HSD17B7: variants seen among roughly 807,000 people sequenced by gnomAD.
The protein encoded by HSD17B7 is hydroxysteroid 17-beta dehydrogenase 7.
A neutral mutation model predicts 34.1 loss-of-function variants in HSD17B7; 17 were observed. The ratio of observed to expected loss-of-function variants is 0.50; its 90% CI spans 0.34 to 0.75. HSD17B7 has a LOEUF of 0.75. HSD17B7 is among the 30% of genes least tolerant of loss of function. The pLI is 0.01. For missense variants in HSD17B7, 296 were observed against 406.6 expected, an observed-to-expected ratio of 0.73 and a Z score of 2.34; for synonymous variants, 122 against 154.6, an observed-to-expected ratio of 0.79 and a Z score of 1.56.
intron 5 of HSD17B7, among the ~76,000 whole-genome samples, chr1:162,800,971 C>G (rs1326963427): frequency 1.3e-5 from 2 of 152,122 alleles, no homozygotes; most frequent in Non-Finnish European, 1.5e-5. Flanking sequence ...TGTTCTGGCT[C>G]TTAGAATGAT....
intron 6 of HSD17B7, among the ~76,000 whole-genome samples, chr1:162,803,944 TGCAGGACCATTGTTTCTGTG>T (rs1413041324): frequency 6.6e-6 from 1 of 152,254 alleles, no homozygotes; most frequent in Non-Finnish European, 1.5e-5. Context: ...TTGAACGTCT[TGCAGGACCATTGTTTCTGTG>T]GCACATCTTG....
At chr1:162,811,328 T>G (rs1649163529) in intron 8 of HSD17B7, among the ~76,000 whole-genome samples, 1 of 152,266 alleles carries the variant, frequency 6.6e-6, no homozygotes, top group South Asian at 2.1e-4. Flanking sequence ...GCTGTTAGTC[T>G]GATGGGCTTC....
At chr1:162,805,572 C>G (rs560324888) in intron 8 of HSD17B7, 80 bp downstream of exon 8, 1 of 1,556,798 alleles carries the variant, frequency 6.4e-7, no homozygotes, top group Non-Finnish European at 8.7e-7. Flanking sequence ...AGCCCCTCAG[C>G]CCCCCAGCTT....
rs185708756 is a variant in HSD17B7 at position 162,792,371 on chromosome 1, G to A, written c.36-288G>A. On this transcript the variant is annotated intron_variant, in intron 1 of 8. Coordinates refer to ENST00000254521, the MANE Select transcript of HSD17B7 (RefSeq NM_016371.4). ...AGGTACAAAATGAAAACCACTGGCAGGATAAAGCCCAGTAGTAGAAAAACT... is the reference window on the plus strand; with the variant it reads ...AGGTACAAAATGAAAACCACTGGCAAGATAAAGCCCAGTAGTAGAAAAACT... 4.0e-3 allele frequency among the ~76,000 whole-genome samples: 610 copies of A among 152,298 alleles called. 1 individual carries two copies. The highest frequency in any genetic ancestry group is 6.7e-3 in the Non-Finnish European group (455 of 68,028).
chr1:162,811,900 A>G (rs532922702), intron 8 of HSD17B7, among the ~76,000 whole-genome samples: 107 of 152,270 alleles, frequency 7.0e-4, no homozygotes, highest in Non-Finnish European at 1.4e-3. Context: ...CAGTGAGCCC[A>G]GCTAAAACCA....
chr1:162,799,869 C>A lies in HSD17B7; in HGVS notation c.574C>A (p.Pro192Thr). ...EDFQHSKGKE[P>T]YSSSKYATDL... Reference sequence around the variant, plus strand: ...CTTCCAGCACAGCAAAGGCAAGGAACCCTACAGCTCTTCCAAATATGCCAC... The same window carrying A: ...CTTCCAGCACAGCAAAGGCAAGGAAACCTACAGCTCTTCCAAATATGCCAC... Residue 192 changes from proline (P) to threonine (T), a missense_variant, in exon 5 of 9, where the codon CCC becomes ACC. Physicochemically the swap from Pro to Thr is conservative, Grantham distance 38. Transcript: ENST00000254521. The A allele has an allele frequency of 6.2e-7, 1 of 1,614,070 alleles. No homozygotes were observed. The highest frequency in any genetic ancestry group is 1.3e-5 in the African/African-American group (1 of 75,034).
At chr1:162,809,550 T>TTC (rs1649105311) in intron 8 of HSD17B7, among the ~76,000 whole-genome samples, 1 of 149,920 alleles carries the variant, frequency 6.7e-6, no homozygotes, top group African/African-American at 2.5e-5. Context: ...AATGGTACCA[T>TTC]CTCCTTGTAC....
intron 8 of HSD17B7, 86 bp downstream of exon 8, chr1:162,805,578 A>G: frequency 6.5e-7 from 1 of 1,544,344 alleles, no homozygotes; most frequent in Non-Finnish European, 8.8e-7. Flanking sequence ...TCAGCCCCCC[A>G]GCTTCGCTTC....
In HSD17B7 at chr1:162,805,378, C is replaced by A. The variant is rs746904057; in HGVS notation, c.805-16C>A. The A allele has an allele frequency of 1.2e-6, 2 of 1,611,836 alleles. No homozygotes were observed. The highest frequency in any genetic ancestry group is 8.5e-7 in the Non-Finnish European group (1 of 1,178,670). On this transcript the variant is annotated splice_polypyrimidine_tract_variant and intron_variant, in intron 7 of 8. Transcript: ENST00000254521. ...GGGCAGAAGAAACAAATCATTGACA[C>A]ATCCTTCCTTTCCAGGTATGGCTTT...
At chr1:162,805,195 A>G (rs1648939658) in intron 7 of HSD17B7, among the ~76,000 whole-genome samples, 199 bp from the exon 8 acceptor site, 1 of 152,234 alleles carries the variant, frequency 6.6e-6, no homozygotes. Context: ...TAGGAATACA[A>G]ATTGGTTGTA....
chr1:162,796,331 G>A (rs1465669177), intron 2 of HSD17B7, among the ~76,000 whole-genome samples: 1 of 152,134 alleles, frequency 6.6e-6, no homozygotes, highest in African/African-American at 2.4e-5. Flanking sequence ...CACAGATTCT[G>A]TTTGAAGCCA....
chr1:162,803,724 G>C (rs10917598), intron 6 of HSD17B7, among the ~76,000 whole-genome samples, 189 bp downstream of exon 6: 38,717 of 150,844 alleles, frequency 0.26, 3,455 homozygotes, highest in Non-Finnish European at 0.31. Flanking sequence ...ACCACCATTT[G>C]AGTGTCTACT....
At chr1:162,810,255 T>C (rs368272931) in intron 8 of HSD17B7, among the ~76,000 whole-genome samples, 1 of 152,084 alleles carries the variant, frequency 6.6e-6, no homozygotes, top group African/African-American at 2.4e-5. Flanking sequence ...TGTAGTTGAG[T>C]GGTTTTGAGT....
At position 162,803,538 on chromosome 1, in the gene HSD17B7, A is replaced by T; in HGVS notation, c.747+3A>T. 3.1e-6 allele frequency: 5 copies of T among 1,611,780 alleles called. No homozygotes were observed. Among genetic ancestry groups the T allele is most frequent in the Non-Finnish European group, 4.2e-6 (5 of 1,178,302 alleles). ...TGTTGATGCCGGCAATATTGCTAGT[A>T]AGTGATGAATATACTTCTTTTCTTA... is the stretch of plus-strand genomic sequence containing the variant. On this transcript the variant is annotated splice_donor_region_variant and intron_variant, in intron 6 of 8. Coordinates refer to ENST00000254521, the MANE Select transcript of HSD17B7 (RefSeq NM_016371.4).
chr1:162,806,982 T>C (rs1406110736), intron 8 of HSD17B7, among the ~76,000 whole-genome samples: 1 of 152,144 alleles, frequency 6.6e-6, no homozygotes, highest in Non-Finnish European at 1.5e-5. Flanking sequence ...TTTTTTAAAA[T>C]TATTATTATA....
chr1:162,798,148 G>A (rs1648682721), intron 4 of HSD17B7: 1 of 714,246 alleles, frequency 1.4e-6, no homozygotes, highest in East Asian at 3.3e-5. Context: ...CAGAATTACT[G>A]CAAAGATAGT....
intron 8 of HSD17B7, among the ~76,000 whole-genome samples, chr1:162,811,972 C>T (rs1022306883): frequency 2.0e-5 from 3 of 152,218 alleles, no homozygotes; most frequent in Non-Finnish European, 2.9e-5. Flanking sequence ...ACTCACAAAA[C>T]TCTTGATTTT....
chr1:162,808,714 T>G (rs1649072727), intron 8 of HSD17B7, among the ~76,000 whole-genome samples: 1 of 152,240 alleles, frequency 6.6e-6, no homozygotes, highest in African/African-American at 2.4e-5. Context: ...CTAGATATTT[T>G]ATTCTCTTTG....
intron 8 of HSD17B7, among the ~76,000 whole-genome samples, chr1:162,806,363 C>A (rs1373201227): frequency 1.3e-5 from 2 of 152,156 alleles, no homozygotes; most frequent in Non-Finnish European, 2.9e-5. Flanking sequence ...ATGCACTTGG[C>A]TTCCTGTGCT....
Sources: allele counts gnomAD v4.1 joint callset (sites outside exome capture counted in the v4.1 genomes callset), GRCh38; gene constraint gnomAD v4.1.1; transcripts MANE v1.5; gene names NCBI Gene and HGNC (gene_info 2026-07-23, HGNC 2026-07-21).